Variants in SPIRE1 observed in about 807,000 individuals in gnomAD.
SPIRE1 encodes spire type actin nucleation factor 1, also known as protein spire homolog 1.
A neutral mutation model predicts 94.1 loss-of-function variants in SPIRE1; 40 were observed. The ratio of observed to expected loss-of-function variants is 0.43; its 90% confidence interval spans 0.33 to 0.55. The LOEUF is 0.55. SPIRE1 is among the 20% of genes least tolerant of loss of function. SPIRE1 has a pLI of 0.06. For missense variants in SPIRE1, 838 were observed against 975.2 expected (o/e 0.86, Z 1.87); for synonymous variants, 376 against 371.7 (o/e 1.01, Z -0.13).
At chr18:12,632,541 T>A (rs1669663209) in intron 2 of SPIRE1, among the ~76,000 whole-genome samples, 1 of 152,168 alleles carries the variant, frequency 6.6e-6, no homozygotes, top group South Asian at 2.1e-4. Flanking sequence ...CACAGATACT[T>A]TTTTTTAAAT....
chr18:12,538,700 T>C (rs2034916096), intron 3 of SPIRE1, among the ~76,000 whole-genome samples: 1 of 152,114 alleles, frequency 6.6e-6, no homozygotes. Context: ...CCCCTTAATA[T>C]AGGGTCTTGC....
At chr18:12,652,293 G>A (rs2038401827) in intron 1 of SPIRE1, among the ~76,000 whole-genome samples, 2 of 152,164 alleles carry the variant, frequency 1.3e-5, no homozygotes, top group African/African-American at 4.8e-5. Context: ...AAGAGCCTGC[G>A]TGTCTTTAAC....
At chr18:12,558,459 A>G (rs146041591) in intron 2 of SPIRE1, among the ~76,000 whole-genome samples, 1 of 152,352 alleles carries the variant, frequency 6.6e-6, no homozygotes, top group African/African-American at 2.4e-5. Flanking sequence ...AACCTTTCAC[A>G]GCATGGAAGG....
At chr18:12,603,885 T>A (rs1303905752) in intron 2 of SPIRE1, among the ~76,000 whole-genome samples, 1 of 152,158 alleles carries the variant, frequency 6.6e-6, no homozygotes, top group Admixed American at 6.5e-5. Flanking sequence ...TCACCAGTAG[T>A]CAATGATTTA....
intron 7 of SPIRE1, 29 bp downstream of exon 7, chr18:12,495,987 A>T: frequency 3.3e-6 from 5 of 1,503,678 alleles, no homozygotes; most frequent in Non-Finnish European, 4.6e-6. Flanking sequence ...TGATATCTCC[A>T]ATCTAGAGAA....
chr18:12,545,597 A>T (rs1167879402), intron 3 of SPIRE1, among the ~76,000 whole-genome samples: 4 of 152,244 alleles, frequency 2.6e-5, no homozygotes, highest in African/African-American at 7.2e-5. Context: ...GTTTGATGTT[A>T]ATCTCTGTAC....
At chr18:12,459,868 G>C (rs1378883997) in intron 12 of SPIRE1, 3 of 985,894 alleles carry the variant, frequency 3.0e-6, no homozygotes, top group Non-Finnish European at 2.4e-6. Flanking sequence ...GAAGCTGTTT[G>C]TATGGTAGAA....
chr18:12,467,150 C>T (rs1232603736), intron 10 of SPIRE1, among the ~76,000 whole-genome samples: 4 of 152,218 alleles, frequency 2.6e-5, no homozygotes, highest in Admixed American at 6.5e-5. Flanking sequence ...TGGTGGCAGG[C>T]GCCTGTAATC....
chr18:12,549,724 C>T (rs1412297549), intron 2 of SPIRE1, among the ~76,000 whole-genome samples: 1 of 151,946 alleles, frequency 6.6e-6, no homozygotes, highest in Non-Finnish European at 1.5e-5. Context: ...GCTGGGATTA[C>T]AGCTGTGAGC....
chr18:12,458,269 T>C (rs961687993), intron 12 of SPIRE1, among the ~76,000 whole-genome samples: 6 of 151,998 alleles, frequency 3.9e-5, no homozygotes, highest in African/African-American at 1.5e-4. Context: ...GAGGCAAATT[T>C]AAATAAAAAC....
At chr18:12,477,862 G>C (rs1249397806) in intron 10 of SPIRE1, among the ~76,000 whole-genome samples, 1 of 152,140 alleles carries the variant, frequency 6.6e-6, no homozygotes, top group African/African-American at 2.4e-5. Context: ...GACAGGGAAG[G>C]TGTGACATTA....
intron 4 of SPIRE1, among the ~76,000 whole-genome samples, chr18:12,527,740 G>A (rs1406996351): frequency 6.6e-6 from 1 of 152,002 alleles, no homozygotes; most frequent in African/African-American, 2.4e-5. Flanking sequence ...GGCATCTTAA[G>A]GTTGATTCTA....
Position 12,559,173 on chromosome 18 carries a change from C to CGG in SPIRE1, c.373-12271_373-12270dup, listed in dbSNP as rs1555624659. Among the ~76,000 whole-genome samples, 1 of 108,398 alleles carries CGG rather than the reference C, an allele frequency of 9.2e-6. No individual in the cohort carries two copies. The highest frequency in any genetic ancestry group is 1.8e-5 in the Non-Finnish European group (1 of 54,642). 71.1% of individuals were successfully genotyped at this position (108,398 alleles called of 152,430 possible). A position where few individuals can be genotyped will look rare whatever the true frequency, so the allele number is the denominator to read the frequency against. Reference sequence around the variant, plus strand: ...GAGGCTCCATCTGCTTAGGAGCCCACGGGGTGGGGTGGGGTGGGGGGGCGC... The same window carrying CGG: ...GAGGCTCCATCTGCTTAGGAGCCCACGGGGGGTGGGGTGGGGTGGGGGGGCGC... On this transcript the variant is annotated intron_variant, in intron 2 of 16. Transcript: ENST00000409402. This position sits in a 1 kb window ranked among gnomAD's most constrained non-coding sequence, Gnocchi z 4.7.
At chr18:12,651,098 C>T (rs915799292) in intron 1 of SPIRE1, among the ~76,000 whole-genome samples, 1 of 152,076 alleles carries the variant, frequency 6.6e-6, no homozygotes, top group African/African-American at 2.4e-5. Context: ...GAACTATTTG[C>T]CCTTACATCA....
intron 4 of SPIRE1, among the ~76,000 whole-genome samples, chr18:12,529,478 T>A (rs1223680170): frequency 1.3e-5 from 2 of 151,976 alleles, no homozygotes; most frequent in Non-Finnish European, 2.9e-5. Flanking sequence ...AAAATCATAC[T>A]TGAAAGGGTC....
chr18:12,561,866 G>T (rs867995723), intron 2 of SPIRE1, among the ~76,000 whole-genome samples: 1 of 152,116 alleles, frequency 6.6e-6, no homozygotes, highest in South Asian at 2.1e-4. Context: ...TATCAGTTCG[G>T]TTAAATTTTG....
rs1555632304 is a variant in SPIRE1 at position 12,615,335 on chromosome 18, A to AAAAAAAAAAAAAAAAAAT, written c.372+19726_372+19727insATTTTTTTTTTTTTTTTT. On this transcript the variant is annotated intron_variant, in intron 2 of 16. Coordinates refer to ENST00000409402, the MANE Select transcript of SPIRE1 (RefSeq NM_001128626.2). ...AGAGTGAAACTCTGTCTCAAAAAAA[A>AAAAAAAAAAAAAAAAAAT]AAAAAAAAAAATATATATATATATA... Among the ~76,000 whole-genome samples, 36 of 39,894 alleles carry AAAAAAAAAAAAAAAAAAT rather than the reference A, an allele frequency of 9.0e-4. 3 individuals carry two copies. The highest frequency in any genetic ancestry group is 2.2e-3 in the Non-Finnish European group (27 of 12,418). 26.2% of individuals were successfully genotyped at this position (39,894 alleles called of 152,430 possible). A position where few individuals can be genotyped will look rare whatever the true frequency, so the allele number is the denominator to read the frequency against.
At chr18:12,646,027 G>A (rs1312799702) in intron 1 of SPIRE1, among the ~76,000 whole-genome samples, 1 of 152,168 alleles carries the variant, frequency 6.6e-6, no homozygotes, top group Non-Finnish European at 1.5e-5. Flanking sequence ...GGCTGCTTAC[G>A]AATTCGGCAG....
At chr18:12,645,112 AAAAAT>A (rs2038189615) in intron 1 of SPIRE1, among the ~76,000 whole-genome samples, 1 of 151,726 alleles carries the variant, frequency 6.6e-6, no homozygotes, top group Non-Finnish European at 1.5e-5. Flanking sequence ...AAAGAAAAAA[AAAAAT>A]AAGACAGTAT....
Sources: gnomAD v4.1 joint callset for allele counts (sites outside exome capture counted in the v4.1 genomes callset) on GRCh38, gnomAD v4.1.1 for gene constraint, Gnocchi (gnomAD v3.1) non-coding constraint, MANE v1.5 for transcripts, NCBI Gene and HGNC (gene_info 2026-07-23, HGNC 2026-07-21) for gene names.